APOLD1: variants seen among roughly 807,000 people sequenced by gnomAD.
APOLD1 encodes apolipoprotein L domain-containing protein 1.
APOLD1 carries 22 observed loss-of-function variants against 15.3 expected under a neutral mutation model. The observed-to-expected ratio is 1.44, with a 90% CI of 1.03 to 2.05. The LOEUF is 2.05. Ranked by LOEUF, APOLD1 falls within the 30% of genes most tolerant of loss-of-function variation. The pLI, the probability that APOLD1 is intolerant of heterozygous loss-of-function variation, is 0.00. For missense variants in APOLD1, 394 were observed against 353.5 expected (o/e 1.11, Z -0.92); for synonymous variants, 190 against 167.4 (o/e 1.13, Z -1.04).
intron 1 of APOLD1, among the ~76,000 whole-genome samples, chr12:12,736,138 T>C (rs1244305482): frequency 6.6e-6 from 1 of 151,630 alleles, no homozygotes; most frequent in Non-Finnish European, 1.5e-5. Flanking sequence ...GGTGGATCAC[T>C]CAGGAGTTCA....
chr12:12,746,510 AATAAATAC>A (rs144931163), intron 1 of APOLD1, among the ~76,000 whole-genome samples: 1 of 149,836 alleles, frequency 6.7e-6, no homozygotes, highest in African/African-American at 2.5e-5. Context: ...TAAATAAATA[AATAAATAC>A]ATAAATACAT....
chr12:12,746,096 C>A (rs10505768), intron 1 of APOLD1, among the ~76,000 whole-genome samples: 38 of 151,928 alleles, frequency 2.5e-4, no homozygotes, highest in Admixed American at 1.9e-3. Context: ...CTATTTCATC[C>A]GAGTCTGGAA....
Position 12,787,819 on chromosome 12 carries a change from T to C in APOLD1, c.*167T>C. The stretch of plus-strand genomic sequence containing the variant: ...GGTCCCCAAAGCCCTTCTTTTCCCA[T>C]CACTGTGACATCTGCCTGGGCTTGA... On this transcript the variant is annotated 3_prime_UTR_variant, in exon 2 of 2. Coordinates refer to ENST00000356591, the MANE Select transcript of APOLD1 (RefSeq NM_030817.3). The surrounding 1 kb of genome is among the most constrained non-coding windows in gnomAD (Gnocchi z 4.9). 2.1e-6 allele frequency: 2 copies of C among 951,612 alleles called. No homozygotes were observed. The highest frequency in any genetic ancestry group is 5.9e-5 in the Admixed American group (2 of 33,626). 58.9% of individuals were successfully genotyped at this position (951,612 alleles called of 1,614,324 possible).
intron 1 of APOLD1, among the ~76,000 whole-genome samples, chr12:12,770,753 T>C (rs570760411): frequency 2.8e-5 from 4 of 141,692 alleles, no homozygotes; most frequent in African/African-American, 1.0e-4. Context: ...TCCAGAAAGC[T>C]CAGAGAACAC....
intron 1 of APOLD1, among the ~76,000 whole-genome samples, chr12:12,739,655 T>G (rs936547884): frequency 6.6e-6 from 1 of 152,224 alleles, no homozygotes; most frequent in African/African-American, 2.4e-5. Context: ...ATTTTTTTCC[T>G]AGTGAACTTT....
intron 1 of APOLD1, among the ~76,000 whole-genome samples, chr12:12,743,803 A>G (rs549871266): frequency 6.6e-6 from 1 of 152,340 alleles, no homozygotes; most frequent in East Asian, 1.9e-4. Flanking sequence ...AGAGGGATTC[A>G]GAGTGGTGTG....
intron 1 of APOLD1, among the ~76,000 whole-genome samples, chr12:12,754,432 A>G (rs148009770): frequency 1.3e-5 from 2 of 151,534 alleles, no homozygotes; most frequent in African/African-American, 4.8e-5. Flanking sequence ...GGCCTTTCCT[A>G]CCAGACATCT....
rs545222492 is a variant in APOLD1, at chr12:12,762,599, C to T, written c.97-24310C>T. On this transcript the variant is annotated intron_variant, in intron 1 of 1. Transcript: ENST00000326765. ...TGAACTCCTGACCTCGTGATCCATCCACCTCAGCCTCCCAAAGTACTGGGA... is the reference window on the plus strand; with the variant it reads ...TGAACTCCTGACCTCGTGATCCATCTACCTCAGCCTCCCAAAGTACTGGGA... 2.5e-3 allele frequency among the ~76,000 whole-genome samples: 379 copies of T among 151,948 alleles called. 5 individuals are homozygous for T. The highest frequency in any genetic ancestry group is 8.4e-3 in the African/African-American group (349 of 41,506).
chr12:12,743,988 T>C (rs1050899380), intron 1 of APOLD1, among the ~76,000 whole-genome samples: 1 of 152,100 alleles, frequency 6.6e-6, no homozygotes, highest in African/African-American at 2.4e-5. Flanking sequence ...GTGAGACCCA[T>C]GTTAGACTTC....
At chr12:12,729,784 A>T (rs1432331971) in intron 1 of APOLD1, among the ~76,000 whole-genome samples, 4 of 151,766 alleles carry the variant, frequency 2.6e-5, no homozygotes, top group Non-Finnish European at 4.4e-5. Flanking sequence ...TAATAATAAT[A>T]TAAAAATAAT....
upstream of APOLD1, chr12:12,785,555 G>A (rs867691600): frequency 1.0e-5 from 15 of 1,497,048 alleles, 1 homozygote; most frequent in Middle Eastern, 2.6e-3. Context: ...AAGGCAGCAG[G>A]GGTCATGACA....
chr12:12,743,112 T>C (rs1004958532), intron 1 of APOLD1, among the ~76,000 whole-genome samples: 3 of 152,220 alleles, frequency 2.0e-5, no homozygotes, highest in African/African-American at 7.2e-5. Context: ...TCCTATATCA[T>C]TTGCCTGAAA....
At chr12:12,746,701 T>A (rs1946769573) in intron 1 of APOLD1, among the ~76,000 whole-genome samples, 2 of 152,154 alleles carry the variant, frequency 1.3e-5, no homozygotes, top group South Asian at 4.1e-4. Context: ...GTATATTGCA[T>A]GATGCTGAGG....
At chr12:12,764,927 T>A (rs556262387) in intron 1 of APOLD1, among the ~76,000 whole-genome samples, 1 of 152,330 alleles carries the variant, frequency 6.6e-6, no homozygotes, top group South Asian at 2.1e-4. Flanking sequence ...GTTCCTGGCC[T>A]GAGAGTTCAC....
At chr12:12,767,534 G>A (rs961987631) in intron 1 of APOLD1, among the ~76,000 whole-genome samples, 15 of 152,016 alleles carry the variant, frequency 9.9e-5, no homozygotes, top group African/African-American at 3.1e-4. Flanking sequence ...GGGGGCCCGC[G>A]CCTATAATTT....
At chr12:12,751,331 G>A (rs78448659) in intron 1 of APOLD1, among the ~76,000 whole-genome samples, 3,191 of 152,106 alleles carry the variant, frequency 0.021, 118 homozygotes, top group African/African-American at 0.073. Context: ...AAAAAACATC[G>A]AGAGAATATT....
intron 1 of APOLD1, among the ~76,000 whole-genome samples, chr12:12,744,478 G>T (rs1946750984): frequency 6.6e-6 from 1 of 151,904 alleles, no homozygotes; most frequent in South Asian, 2.1e-4. Context: ...GCCTGGTGGT[G>T]CACACCTGTA....
chr12:12,736,473 G>A (rs1946687355), intron 1 of APOLD1, among the ~76,000 whole-genome samples: 1 of 152,204 alleles, frequency 6.6e-6, no homozygotes, highest in African/African-American at 2.4e-5. Flanking sequence ...GCTATAGTGA[G>A]CCATGATCAC....
chr12:12,771,063 T>TG (rs1235953001), intron 1 of APOLD1, among the ~76,000 whole-genome samples: 2 of 152,076 alleles, frequency 1.3e-5, no homozygotes, highest in Non-Finnish European at 2.9e-5. Context: ...AAACAAAAAT[T>TG]GGGGGAATTT....
Sources: allele counts gnomAD v4.1 joint callset (sites outside exome capture counted in the v4.1 genomes callset), GRCh38; gene constraint gnomAD v4.1.1; non-coding constraint Gnocchi (gnomAD v3.1); transcripts MANE v1.5; gene names NCBI Gene and HGNC (gene_info 2026-07-23, HGNC 2026-07-21).